Variants in B3GALT1 observed in about 807,000 individuals in gnomAD.
B3GALT1 encodes beta-1,3-galactosyltransferase 1, also known as UDP-Gal:betaGlcNAc beta 1,3-galactosyltransferase, polypeptide 1.
B3GALT1 carries 10 observed loss-of-function variants against 23.2 expected under a neutral mutation model. That is an observed-to-expected ratio of 0.43 (90% CI 0.27 to 0.73). The LOEUF (loss-of-function observed/expected upper bound fraction) is 0.73. B3GALT1 is among the 30% of genes least tolerant of loss of function. B3GALT1 has a pLI of 0.21. For synonymous variants in B3GALT1, 156 were observed against 141.5 expected (o/e 1.10, Z -0.73); for missense variants, 299 against 405.4 (o/e 0.74, Z 2.25).
chr2:167,853,134 AT>A (rs1689935953), intron 4 of B3GALT1, among the ~76,000 whole-genome samples: 1 of 152,208 alleles, frequency 6.6e-6, no homozygotes, highest in Non-Finnish European at 1.5e-5. Context: ...GGAAAAAATG[AT>A]GTAGGTATGG....
At chr2:167,585,621 G>C (rs915278979) in intron 2 of B3GALT1, among the ~76,000 whole-genome samples, 8 of 152,112 alleles carry the variant, frequency 5.3e-5, no homozygotes, top group African/African-American at 1.9e-4. Flanking sequence ...AAACTTTTTT[G>C]CCAAGTCTAC....
chr2:167,571,737 G>A (rs913031393), intron 2 of B3GALT1, among the ~76,000 whole-genome samples: 6 of 151,868 alleles, frequency 4.0e-5, no homozygotes, highest in African/African-American at 1.4e-4. Context: ...ACCACTTTCT[G>A]TAGCACTTCC....
intron 1 of B3GALT1, among the ~76,000 whole-genome samples, chr2:167,448,449 T>C (rs1451272843): frequency 1.3e-5 from 2 of 152,186 alleles, no homozygotes; most frequent in African/African-American, 4.8e-5. Context: ...AGCTCAATTT[T>C]TGATGGGATT....
chr2:167,640,039 G>A (rs552855095), intron 2 of B3GALT1, among the ~76,000 whole-genome samples: 1 of 152,162 alleles, frequency 6.6e-6, no homozygotes, highest in Admixed American at 6.5e-5. Flanking sequence ...TGTCAGCACT[G>A]CTACAGGCAA....
chr2:167,568,359 A>G (rs899126148), intron 2 of B3GALT1, among the ~76,000 whole-genome samples: 1 of 152,066 alleles, frequency 6.6e-6, no homozygotes, highest in Admixed American at 6.6e-5. Context: ...CCCAGTAGCA[A>G]TGAATGAGAG....
chr2:167,435,983 G>GCACA (rs149818630), intron 1 of B3GALT1, among the ~76,000 whole-genome samples: 1 of 139,212 alleles, frequency 7.2e-6, no homozygotes, highest in South Asian at 2.3e-4. Flanking sequence ...ACACACACAC[G>GCACA]CACACACACA....
intron 4 of B3GALT1, among the ~76,000 whole-genome samples, chr2:167,834,570 C>T (rs1285851088): frequency 2.0e-5 from 3 of 152,120 alleles, no homozygotes; most frequent in African/African-American, 7.2e-5. Context: ...ATGTTCTCCC[C>T]ATAAGATATA....
intron 3 of B3GALT1, among the ~76,000 whole-genome samples, chr2:167,704,657 C>A (rs1427124635): frequency 2.0e-5 from 3 of 151,890 alleles, no homozygotes; most frequent in African/African-American, 7.3e-5. Context: ...GTGGGTAGTT[C>A]CAGAGAGATC....
In B3GALT1 at chr2:167,627,634, T is replaced by A. The variant is rs117636619; in HGVS notation, c.-409-19275T>A. ...TAAGGAATAAAGCTGCTATAAATAT[T>A]TGTGTACAGGTTTTATGTGAACTTA... On this transcript the variant is annotated intron_variant, in intron 2 of 4. Transcript: ENST00000392690. Among the ~76,000 whole-genome samples the A allele has an allele frequency of 1.3e-4, 19 of 151,902 alleles. No individual in the cohort carries two copies. The East Asian group carries it at 3.7e-3, about 29-fold the overall frequency.
At chr2:167,576,545 G>GTTTTTTTTTTTTTT (rs533383227) in intron 2 of B3GALT1, among the ~76,000 whole-genome samples, 1 of 98,226 alleles carries the variant, frequency 1.0e-5, no homozygotes, top group Non-Finnish European at 2.3e-5. Context: ...TTTTTTTTTT[G>GTTTTTTTTTTTTTT]TTTTTTTTTC....
intron 3 of B3GALT1, among the ~76,000 whole-genome samples, chr2:167,725,042 G>A (rs1287710263): frequency 6.6e-6 from 1 of 152,172 alleles, no homozygotes; most frequent in African/African-American, 2.4e-5. Flanking sequence ...AAACTATTAA[G>A]TCAAACACTT....
chr2:167,564,496 G>C (rs943422768), intron 2 of B3GALT1, among the ~76,000 whole-genome samples: 2 of 152,172 alleles, frequency 1.3e-5, no homozygotes, highest in African/African-American at 4.8e-5. Flanking sequence ...CGGCACCCTG[G>C]GAGGCCAAGG....
Position 167,873,212 on chromosome 2 carries a change from C to G in B3GALT1, c.*3192C>G, listed in dbSNP as rs1690385614. ...CACTGGATAATAACAGTATCAGTGT[C>G]TATGTTCTTAAAGTTCCTTTTTTTA... On this transcript the variant is annotated 3_prime_UTR_variant, in exon 5 of 5. Transcript: ENST00000392690. 1 of 151,944 alleles carries G rather than the reference C, an allele frequency of 6.6e-6. No individual in the cohort carries two copies. The highest frequency in any genetic ancestry group is 2.4e-5 in the African/African-American group (1 of 41,358). The allele number at this position is 151,944 out of a possible 1,614,324, so 9.4% of individuals were successfully genotyped here.
At chr2:167,767,818 A>C (rs1281678519) in intron 3 of B3GALT1, among the ~76,000 whole-genome samples, 2 of 152,124 alleles carry the variant, frequency 1.3e-5, no homozygotes, top group Non-Finnish European at 2.9e-5. Flanking sequence ...AATATATATA[A>C]AGAAATTTAT....
intron 2 of B3GALT1, among the ~76,000 whole-genome samples, chr2:167,528,020 A>G (rs1313549892): frequency 6.6e-6 from 1 of 152,190 alleles, no homozygotes; most frequent in Admixed American, 6.5e-5. Context: ...GTCAGATTGG[A>G]CATTTGAAGA....
intron 3 of B3GALT1, among the ~76,000 whole-genome samples, chr2:167,803,638 C>G (rs915229461): frequency 6.6e-6 from 1 of 152,142 alleles, no homozygotes; most frequent in African/African-American, 2.4e-5. Flanking sequence ...AGCAGCTCAC[C>G]CATCCCTTTG....
At chr2:167,444,238 G>A (rs912732801) in intron 1 of B3GALT1, among the ~76,000 whole-genome samples, 24 of 152,272 alleles carry the variant, frequency 1.6e-4, no homozygotes, top group Admixed American at 8.5e-4. Context: ...TGGTGGATAA[G>A]CTTTTTGATG....
chr2:167,416,076 A>G (rs1698464782), intron 1 of B3GALT1, among the ~76,000 whole-genome samples: 1 of 152,232 alleles, frequency 6.6e-6, no homozygotes, highest in African/African-American at 2.4e-5. Context: ...GAGGAAACCA[A>G]GTAAGTGGCT....
intron 1 of B3GALT1, among the ~76,000 whole-genome samples, chr2:167,451,668 G>C (rs536542846): frequency 3.0e-4 from 46 of 152,298 alleles, no homozygotes; most frequent in African/African-American, 1.1e-3. Flanking sequence ...GTGCTAGTCT[G>C]CCTCCTGCCA....
Sources: gnomAD v4.1 joint callset for allele counts (sites outside exome capture counted in the v4.1 genomes callset) on GRCh38, gnomAD v4.1.1 for gene constraint, MANE v1.5 for transcripts, NCBI Gene and HGNC (gene_info 2026-07-23, HGNC 2026-07-21) for gene names.